Variants in TENM3 observed in about 807,000 individuals in gnomAD.
TENM3 encodes teneurin-3.
In TENM3, 63 loss-of-function variants were observed where a neutral mutation model predicts 255.1. The observed-to-expected ratio is 0.25, with a 90% CI of 0.20 to 0.30. The LOEUF (loss-of-function observed/expected upper bound fraction) is 0.30, where lower values mean the gene tolerates loss of function less well. TENM3 is among the 10% of genes least tolerant of loss of function. The pLI is 1.00. For synonymous variants in TENM3, 1,306 were observed against 1,322.3 expected (o/e 0.99, Z 0.27); for missense variants, 2,929 against 3,461.1 (o/e 0.85, Z 3.86).
intron 3 of TENM3, among the ~76,000 whole-genome samples, chr4:182,417,501 T>C (rs1321620414): frequency 6.6e-6 from 1 of 152,182 alleles, no homozygotes; most frequent in African/African-American, 2.4e-5. Flanking sequence ...ACTTGCATTC[T>C]TTTTTTGTAG....
At chr4:182,059,745 C>CAAAAAAAAAAAAAAAA in the TENM3 span, among the ~76,000 whole-genome samples, 18 of 42,506 alleles carry the variant, frequency 4.2e-4, no homozygotes, top group South Asian at 8.6e-4. Flanking sequence ...TCTGTCTCTA[C>CAAAAAAAAAAAAAAAA]AAAAAAAAAA....
the TENM3 span, among the ~76,000 whole-genome samples, chr4:181,581,151 A>AT: frequency 6.6e-6 from 1 of 152,080 alleles, no homozygotes; most frequent in African/African-American, 2.4e-5. Flanking sequence ...GGGGAAAAAA[A>AT]ACAGTTCGAA....
intron 1 of TENM3, among the ~76,000 whole-genome samples, chr4:182,323,365 G>A (rs1441016525): frequency 2.0e-5 from 3 of 149,338 alleles, no homozygotes; most frequent in Admixed American, 1.3e-4. Flanking sequence ...AGACATTTGA[G>A]TTCTTAAAAC....
chr4:181,629,446 C>A, the TENM3 span, among the ~76,000 whole-genome samples: 1 of 152,084 alleles, frequency 6.6e-6, no homozygotes, highest in Non-Finnish European at 1.5e-5. Context: ...CAGTTTTTGC[C>A]CATTCAGTAT....
chr4:182,174,916 A>G (rs1040754333), intron 1 of TENM3, among the ~76,000 whole-genome samples: 1 of 150,274 alleles, frequency 6.7e-6, no homozygotes, highest in Non-Finnish European at 1.5e-5. Context: ...AAGTTTTATT[A>G]CAAGTATTGA....
intron 1 of TENM3, among the ~76,000 whole-genome samples, chr4:182,278,196 G>A (rs1760131580): frequency 6.6e-6 from 1 of 152,040 alleles, no homozygotes; most frequent in Non-Finnish European, 1.5e-5. Context: ...GAGGAACCCT[G>A]TCTCTACCAA....
At chr4:182,112,284 G>A in the TENM3 span, among the ~76,000 whole-genome samples, 1 of 152,116 alleles carries the variant, frequency 6.6e-6, no homozygotes, top group Non-Finnish European at 1.5e-5. Flanking sequence ...ATGAGCTGCC[G>A]TGTTTTCTCT....
the TENM3 span, among the ~76,000 whole-genome samples, chr4:181,967,806 G>A: frequency 2.9e-4 from 44 of 152,238 alleles, no homozygotes; most frequent in East Asian, 4.7e-3. Context: ...AGCCACCGAC[G>A]TGGCTGGCGT....
the TENM3 span, among the ~76,000 whole-genome samples, chr4:181,481,400 G>C: frequency 6.6e-6 from 1 of 152,038 alleles, no homozygotes; most frequent in African/African-American, 2.4e-5. Flanking sequence ...ATTTCCGTTT[G>C]TCTGTTCATA....
At chr4:182,275,402 G>A (rs1426853355) in intron 1 of TENM3, among the ~76,000 whole-genome samples, 1 of 152,122 alleles carries the variant, frequency 6.6e-6, no homozygotes, top group East Asian at 1.9e-4. Flanking sequence ...CACTGTACTT[G>A]CTTTCACCCT....
chr4:181,719,326 C>A, the TENM3 span, among the ~76,000 whole-genome samples: 1 of 152,122 alleles, frequency 6.6e-6, no homozygotes, highest in African/African-American at 2.4e-5. Flanking sequence ...CAAAAAAGTT[C>A]TAAATCATGT....
At chr4:182,199,595 A>C (rs1754050880) in intron 1 of TENM3, among the ~76,000 whole-genome samples, 1 of 152,088 alleles carries the variant, frequency 6.6e-6, no homozygotes, top group Non-Finnish European at 1.5e-5. Flanking sequence ...TTGTGTTGTT[A>C]GAAAAAAATA....
At chr4:182,043,109 T>C in the TENM3 span, among the ~76,000 whole-genome samples, 2 of 152,150 alleles carry the variant, frequency 1.3e-5, no homozygotes, top group Non-Finnish European at 2.9e-5. Context: ...CCTAAGGGCA[T>C]CTCAGAGAAA....
the TENM3 span, among the ~76,000 whole-genome samples, chr4:181,867,243 C>A: frequency 6.6e-6 from 1 of 152,142 alleles, no homozygotes; most frequent in Non-Finnish European, 1.5e-5. Context: ...TTTCTTCAAT[C>A]AAACTGAAAT....
chr4:182,072,112 T>A, the TENM3 span, among the ~76,000 whole-genome samples: 1 of 152,360 alleles, frequency 6.6e-6, no homozygotes, highest in Non-Finnish European at 1.5e-5. Context: ...CCAGTTGTCT[T>A]GTCTTTCTAC....
At chr4:182,378,988 T>C (rs990695543) in intron 3 of TENM3, among the ~76,000 whole-genome samples, 2 of 152,266 alleles carry the variant, frequency 1.3e-5, no homozygotes, top group Middle Eastern at 3.4e-3. Flanking sequence ...GTGGCCAGTA[T>C]GCACAGGCAT....
intron 2 of TENM3, among the ~76,000 whole-genome samples, chr4:182,334,288 A>G (rs796822341): frequency 3.9e-5 from 6 of 152,312 alleles, no homozygotes; most frequent in African/African-American, 1.4e-4. Context: ...AACGTAAAAC[A>G]GGACCTAAAT....
chr4:181,839,064 G>T, the TENM3 span, among the ~76,000 whole-genome samples: 1 of 151,028 alleles, frequency 6.6e-6, no homozygotes, highest in African/African-American at 2.4e-5. Context: ...ATGAAATTTG[G>T]CTATTTCGTT....
chr4:182,656,019 C>CT (rs1450676235), intron 6 of TENM3, among the ~76,000 whole-genome samples: 1 of 152,156 alleles, frequency 6.6e-6, no homozygotes, highest in Non-Finnish European at 1.5e-5. Flanking sequence ...AGAAATACTG[C>CT]TTTGGTAGCC....
Sources: allele counts gnomAD v4.1 joint callset (sites outside exome capture counted in the v4.1 genomes callset), GRCh38; gene constraint gnomAD v4.1.1; transcripts MANE v1.5; gene names NCBI Gene and HGNC (gene_info 2026-07-23, HGNC 2026-07-21).